FRMPD2: variants seen among roughly 807,000 people sequenced by gnomAD.
FRMPD2 encodes the protein FERM and PDZ domain-containing protein 2.
FRMPD2 carries 96 observed loss-of-function variants against 140.1 expected under a neutral mutation model. That is an observed-to-expected ratio of 0.69 (90% CI 0.58 to 0.81). FRMPD2 has a LOEUF of 0.81. Among genes scored for constraint, FRMPD2 ranks in the 40% least tolerant of loss-of-function variants. The pLI, the probability that FRMPD2 is intolerant of heterozygous loss-of-function variation, is 0.00. For synonymous variants in FRMPD2, 449 were observed against 547.6 expected, an observed-to-expected ratio of 0.82 and a Z score of 2.52; for missense variants, 1,240 against 1,447.4, an observed-to-expected ratio of 0.86 and a Z score of 2.32.
At chr10:48,183,880 C>A in intron 20 of FRMPD2, among the ~76,000 whole-genome samples, 1 of 98,094 alleles carries the variant, frequency 1.0e-5, no homozygotes, top group East Asian at 3.1e-4. Flanking sequence ...TCAAATACCG[C>A]ATGTTCTCAT....
chr10:48,242,404 C>G (rs541168137), intron 4 of FRMPD2, 52 bp from the exon 5 acceptor site: 2 of 1,525,500 alleles, frequency 1.3e-6, no homozygotes, highest in Non-Finnish European at 1.8e-6. Context: ...GCTGCCACTA[C>G]GAGGCCAGCA....
chr10:48,223,204 T>C lies in FRMPD2; in HGVS notation c.1235A>G (p.Glu412Gly). The part of the protein sequence containing the change: ...LCKIAPEGWR[E>G]QPQKTSMNTF... ...ATTCATGGAGGTCTTCTGAGGCTGC[T>C]CTCTCCAGCCTTCAGGAGCTATTTT... is the stretch of plus-strand genomic sequence containing the variant. The change falls in exon 11 of 29, where the codon GAG (glutamate) becomes GGG (glycine). Residue 412 changes from glutamate to glycine, a missense_variant. Around this residue, in one of 6 missense-constraint regions of FRMPD2, gnomAD observed 1,161 missense variants for 1,055.9 expected, o/e 1.10. Transcript: ENST00000374201. 1 of 1,613,758 alleles carries C rather than the reference T, an allele frequency of 6.2e-7. No individual in the cohort carries two copies. The highest frequency in any genetic ancestry group is 8.5e-7 in the Non-Finnish European group (1 of 1,179,672).
At chr10:48,216,128 G>T (rs188367699) in intron 12 of FRMPD2, among the ~76,000 whole-genome samples, 14 of 152,196 alleles carry the variant, frequency 9.2e-5, no homozygotes, top group Admixed American at 2.0e-4. Context: ...TGGCCCTCCC[G>T]GGTTTACAGC....
intron 8 of FRMPD2, among the ~76,000 whole-genome samples, chr10:48,237,125 TAAA>T (rs10563330): frequency 1.4e-4 from 19 of 131,590 alleles, no homozygotes; most frequent in East Asian, 2.2e-4. Flanking sequence ...TCCTCACCTT[TAAA>T]AAAAAAAAAA....
At chr10:48,190,225 G>A (rs532501402) in intron 16 of FRMPD2, among the ~76,000 whole-genome samples, 1 of 152,300 alleles carries the variant, frequency 6.6e-6, no homozygotes, top group East Asian at 1.9e-4. Flanking sequence ...AGGCTCAGCT[G>A]AGCTGACAGC....
At chr10:48,247,939 G>A (rs1262271163) in intron 3 of FRMPD2, among the ~76,000 whole-genome samples, 2 of 152,154 alleles carry the variant, frequency 1.3e-5, no homozygotes, top group Admixed American at 6.5e-5. Context: ...CAGGATTTCA[G>A]GGGGGAGGGG....
intron 1 of FRMPD2, among the ~76,000 whole-genome samples, chr10:48,262,020 A>G (rs1840600612): frequency 6.6e-6 from 1 of 152,202 alleles, no homozygotes; most frequent in Non-Finnish European, 1.5e-5. Context: ...GAGAAGGCAG[A>G]AAAACACGGG....
intron 12 of FRMPD2, among the ~76,000 whole-genome samples, chr10:48,212,633 C>T (rs1380674420): frequency 6.6e-6 from 1 of 152,150 alleles, no homozygotes; most frequent in Non-Finnish European, 1.5e-5. Context: ...AACATTGTCT[C>T]TTCTCACCAA....
chr10:48,221,902 G>GTGGA (rs1003420089), intron 12 of FRMPD2, among the ~76,000 whole-genome samples: 2 of 150,894 alleles, frequency 1.3e-5, no homozygotes, highest in African/African-American at 2.4e-5. Flanking sequence ...GGGTGGGTGA[G>GTGGA]TGGATGGATG....
At chr10:48,225,015 C>G (rs1316297506) in intron 10 of FRMPD2, among the ~76,000 whole-genome samples, 1 of 152,162 alleles carries the variant, frequency 6.6e-6, no homozygotes, top group African/African-American at 2.4e-5. Flanking sequence ...CTCACCAGCC[C>G]TGCTTGGTAC....
Position 48,206,743 on chromosome 10 carries a change from C to A in FRMPD2, c.1797+5G>T. ...CAGGTTATTTATCAACTGAGCTACA[C>A]TCACATAAGTAGAAATCTTCCCGGT... On this transcript the variant is annotated splice_donor_5th_base_variant and intron_variant, in intron 14 of 28. Coordinates refer to ENST00000374201, the MANE Select transcript of FRMPD2 (RefSeq NM_001018071.4). The A allele has an allele frequency of 1.2e-6, 2 of 1,612,554 alleles. No homozygotes were observed. The highest frequency in any genetic ancestry group is 1.1e-5 in the South Asian group (1 of 90,982).
At chr10:48,251,801 C>G (rs921986256) in intron 1 of FRMPD2, 110 bp from the exon 2 acceptor site, 2 of 1,307,120 alleles carry the variant, frequency 1.5e-6, no homozygotes, top group Non-Finnish European at 2.1e-6. Flanking sequence ...CTACTGCACA[C>G]CGGCACTGTG....
rs573181214 is a variant in FRMPD2, at chr10:48,162,846, G to A, written c.3881+482C>T. ...GTGCCTGTAGACCCAGCTATTGACCGGCTGAGGTGGGAGGATCACTTGAGC... is the reference window on the plus strand; with the variant it reads ...GTGCCTGTAGACCCAGCTATTGACCAGCTGAGGTGGGAGGATCACTTGAGC... On this transcript the variant is annotated intron_variant, in intron 28 of 28. Coordinates refer to ENST00000374201, the MANE Select transcript of FRMPD2 (RefSeq NM_001018071.4). 6.4e-3 allele frequency among the ~76,000 whole-genome samples: 880 copies of A among 137,528 alleles called. 1 individual carries two copies. The highest frequency in any genetic ancestry group is 0.012 in the South Asian group (48 of 4,088). 90.2% of individuals were successfully genotyped at this position (137,528 alleles called of 152,430 possible).
At chr10:48,257,245 C>T (rs112480083) in intron 1 of FRMPD2, among the ~76,000 whole-genome samples, 35 of 150,910 alleles carry the variant, frequency 2.3e-4, no homozygotes, top group Admixed American at 2.0e-3. Context: ...GATACCTTTA[C>T]GGTTTTTATT....
intron 10 of FRMPD2, among the ~76,000 whole-genome samples, chr10:48,227,591 C>G (rs1372526395): frequency 6.6e-6 from 1 of 152,108 alleles, no homozygotes; most frequent in Non-Finnish European, 1.5e-5. Context: ...TTTGTGGAAG[C>G]CTCTCGTATC....
Position 48,201,340 on chromosome 10 carries a change from G to T in FRMPD2, c.1842C>A (p.His614Gln). ...TCTTGGCTGAATCTGTGACAAATGT[G>T]TGCTTCTTCCCAGTGACACTGCTTG... ...TITSSVTGKK[H>Q]TFVTDSAKTS... Residue 614 changes from histidine (H) to glutamine (Q), a missense_variant, in exon 15 of 29, where the codon CAC becomes CAA. This residue lies in a region of FRMPD2 where 1,161 missense variants were observed against 1,055.9 expected (regional missense o/e 1.10). Coordinates refer to ENST00000374201, the MANE Select transcript of FRMPD2 (RefSeq NM_001018071.4). 1.2e-6 allele frequency: 2 copies of T among 1,613,886 alleles called. No homozygotes were observed. Among genetic ancestry groups the T allele is most frequent in the Admixed American group, 1.7e-5 (1 of 60,018 alleles).
At chr10:48,184,703 A>G in intron 19 of FRMPD2, 21 bp from the exon 20 acceptor site, 1 of 1,595,274 alleles carries the variant, frequency 6.3e-7, no homozygotes, top group Non-Finnish European at 8.6e-7. Context: ...AAAACATCTC[A>G]ATAATCCTTC....
At chr10:48,175,288 A>T in intron 23 of FRMPD2, 1 of 609,662 alleles carries the variant, frequency 1.6e-6, no homozygotes, top group Non-Finnish European at 2.6e-6. Flanking sequence ...AGATATTTAT[A>T]TCTCCAGCAT....
chr10:48,207,909 C>T (rs1420669350), intron 13 of FRMPD2, among the ~76,000 whole-genome samples: 1 of 152,184 alleles, frequency 6.6e-6, no homozygotes, highest in Non-Finnish European at 1.5e-5. Flanking sequence ...AGGCTCCTTT[C>T]CCATTCACCG....
Sources: gnomAD v4.1 joint callset for allele counts (sites outside exome capture counted in the v4.1 genomes callset) on GRCh38, gnomAD v4.1.1 for gene constraint, gnomAD v4.1.1 regional missense constraint, MANE v1.5 for transcripts, NCBI Gene and HGNC (gene_info 2026-07-23, HGNC 2026-07-21) for gene names.